RUNX1T1: variants seen among roughly 807,000 people sequenced by gnomAD.
RUNX1T1 encodes the protein protein CBFA2T1.
RUNX1T1 carries 4 observed loss-of-function variants against 62.8 expected under a neutral mutation model. That is an observed-to-expected ratio of 0.06 (90% CI 0.03 to 0.15). RUNX1T1 has a LOEUF of 0.15. RUNX1T1 is among the 10% of genes least tolerant of loss of function. The pLI is 1.00. For synonymous variants in RUNX1T1, 291 were observed against 286.0 expected, an observed-to-expected ratio of 1.02 and a Z score of -0.18; for missense variants, 508 against 754.3, an observed-to-expected ratio of 0.67 and a Z score of 3.82.
chr8:92,023,951 C>T (rs1190616378), intron 1 of RUNX1T1, among the ~76,000 whole-genome samples: 2 of 152,094 alleles, frequency 1.3e-5, no homozygotes, highest in African/African-American at 4.8e-5. Flanking sequence ...CTACTACCCT[C>T]CACATCTAGA....
At chr8:92,095,185 C>CA in intron 1 of RUNX1T1, 1 of 1,535,186 alleles carries the variant, frequency 6.5e-7, no homozygotes. Flanking sequence ...AGAGGAGCGA[C>CA]AGATAACATG....
rs1827448732 is a variant in RUNX1T1, at chr8:92,036,556, T to C, written c.8-19193A>G. On this transcript the variant is annotated intron_variant, in intron 1 of 10. Transcript: ENST00000396218. ...AGCAAGAAAAACTGTTGGGAACTTC[T>C]GTTTTGAGGGATCAACACAGCACCT... 3.9e-5 allele frequency among the ~76,000 whole-genome samples: 6 copies of C among 152,202 alleles called. No individual in the cohort carries two copies. In the South Asian group the frequency reaches 1.2e-3, roughly 32 times the overall value.
chr8:92,060,543 ATATATATATATG>A (rs1831772276), intron 1 of RUNX1T1, among the ~76,000 whole-genome samples: 1 of 105,594 alleles, frequency 9.5e-6, no homozygotes, highest in Admixed American at 9.4e-5. Context: ...ATATATATAT[ATATATATATATG>A]TGTGTGTGTG....
rs78246895 is a variant in RUNX1T1, at chr8:92,023,581, T to C, written c.8-6218A>G. On this transcript the variant is annotated intron_variant, in intron 1 of 10. Coordinates refer to ENST00000396218, the Ensembl canonical transcript of RUNX1T1. ...CAATGATTTAGTTATAAAATAAGCA[T>C]TCTAAAGTCCAATTCTCCCTCTTTA... 5.8e-3 allele frequency among the ~76,000 whole-genome samples: 891 copies of C among 152,354 alleles called. 5 individuals are homozygous for C. Among genetic ancestry groups the C allele is most frequent in the Non-Finnish European group, 6.3e-3 (430 of 68,034 alleles).
At chr8:92,009,996 T>C (rs1821617402) in intron 4 of RUNX1T1, 1 of 152,208 alleles carries the variant, frequency 6.6e-6, no homozygotes, top group Non-Finnish European at 1.5e-5. Flanking sequence ...TTGGGGCTCA[T>C]TTCAGACAAA....
chr8:92,042,835 TTAAA>T (rs1449124079), intron 1 of RUNX1T1, among the ~76,000 whole-genome samples: 1 of 152,222 alleles, frequency 6.6e-6, no homozygotes, highest in African/African-American at 2.4e-5. Context: ...CATCCACTGT[TTAAA>T]TAAACACAGC....
At chr8:92,054,251 T>A (rs114703701) in intron 1 of RUNX1T1, among the ~76,000 whole-genome samples, 195 of 152,062 alleles carry the variant, frequency 1.3e-3, no homozygotes, top group African/African-American at 4.6e-3. Flanking sequence ...TGTAAAAGGG[T>A]GGCACACTGA....
chr8:92,038,594 T>C (rs1827851242), intron 1 of RUNX1T1, among the ~76,000 whole-genome samples: 2 of 152,092 alleles, frequency 1.3e-5, no homozygotes, highest in African/African-American at 2.4e-5. Flanking sequence ...TCCAACATGG[T>C]ACAGCCCCGG....
At chr8:92,021,450 A>G (rs1824079201) in intron 1 of RUNX1T1, among the ~76,000 whole-genome samples, 1 of 152,094 alleles carries the variant, frequency 6.6e-6, no homozygotes, top group Non-Finnish European at 1.5e-5. Flanking sequence ...GCACTGTGGT[A>G]ATGCCCATTC....
At chr8:92,083,175 T>A (rs375489835) in intron 1 of RUNX1T1, among the ~76,000 whole-genome samples, 4 of 152,312 alleles carry the variant, frequency 2.6e-5, no homozygotes, top group East Asian at 3.9e-4. Flanking sequence ...TCCAAGTGGC[T>A]TGACCACTTC....
At chr8:92,089,399 G>A (rs1175425624) in intron 1 of RUNX1T1, among the ~76,000 whole-genome samples, 1 of 152,142 alleles carries the variant, frequency 6.6e-6, no homozygotes, top group Admixed American at 6.5e-5. Flanking sequence ...CCTGAGATCT[G>A]ATTCCTAGCC....
chr8:92,027,808 A>C (rs539662255), intron 1 of RUNX1T1, among the ~76,000 whole-genome samples: 4 of 151,928 alleles, frequency 2.6e-5, no homozygotes, highest in African/African-American at 9.7e-5. Flanking sequence ...ATGGCAATCG[A>C]TTACTATTTT....
chr8:92,046,309 TATA>T (rs1224356647), intron 1 of RUNX1T1, among the ~76,000 whole-genome samples: 1 of 152,172 alleles, frequency 6.6e-6, no homozygotes, highest in Non-Finnish European at 1.5e-5. Flanking sequence ...GATCACGGTT[TATA>T]ATAAGACTCT....
At chr8:92,089,467 G>T (rs970985553) in intron 1 of RUNX1T1, among the ~76,000 whole-genome samples, 1 of 152,048 alleles carries the variant, frequency 6.6e-6, no homozygotes, top group Admixed American at 6.5e-5. Context: ...CCAAAAAATG[G>T]CTTAAAGAGG....
At chr8:92,064,880 A>G (rs1436826791), upstream of RUNX1T1, among the ~76,000 whole-genome samples, 2 of 152,180 alleles carry the variant, frequency 1.3e-5, no homozygotes, top group African/African-American at 4.8e-5. Flanking sequence ...ATGTGTAAAA[A>G]GGCTTTTTAA....
intron 1 of RUNX1T1, among the ~76,000 whole-genome samples, chr8:92,049,094 G>C (rs565482852): frequency 6.6e-6 from 1 of 152,162 alleles, no homozygotes; most frequent in South Asian, 2.1e-4. Flanking sequence ...CTTTCTAGTG[G>C]AACACAAATA....
chr8:92,035,508 T>C (rs1023684754), intron 1 of RUNX1T1, among the ~76,000 whole-genome samples: 1 of 152,064 alleles, frequency 6.6e-6, no homozygotes, highest in Non-Finnish European at 1.5e-5. Context: ...AAAAAAATTT[T>C]AAAGGCGATT....
downstream of RUNX1T1, chr8:91,955,730 A>C (rs1485476940): frequency 4.4e-6 from 1 of 224,982 alleles, no homozygotes; most frequent in Non-Finnish European, 8.8e-6. Context: ...TGGTCTATAA[A>C]GTCAGAACAT....
intron 1 of RUNX1T1, among the ~76,000 whole-genome samples, chr8:92,093,504 T>C (rs1434251799): frequency 1.3e-5 from 2 of 152,242 alleles, no homozygotes; most frequent in African/African-American, 2.4e-5. Flanking sequence ...TGTCTATGCA[T>C]GCACTTGAGT....
Sources: allele counts gnomAD v4.1 joint callset (sites outside exome capture counted in the v4.1 genomes callset), GRCh38; gene constraint gnomAD v4.1.1; transcripts MANE v1.5; gene names NCBI Gene and HGNC (gene_info 2026-07-23, HGNC 2026-07-21).